RNU2-63P: variants seen among roughly 807,000 people sequenced by gnomAD.
The protein encoded by RNU2-63P is RNA, U2 small nuclear 63, pseudogene.
chr2:88,016,503 A>G (rs770391192), exon 1 of RNU2-63P: 7 of 152,164 alleles, frequency 4.6e-5, no homozygotes, highest in Non-Finnish European at 8.8e-5. Flanking sequence ...AACTGATAAG[A>G]ACACACACTA....
exon 1 of RNU2-63P, chr2:88,016,473 G>C (rs569688829): frequency 2.6e-5 from 4 of 152,066 alleles, no homozygotes; most frequent in East Asian, 3.9e-4. Flanking sequence ...TCATCAAACA[G>C]AAGAACATAC....
At chr2:88,016,366 G>C (rs557898255) in exon 1 of RNU2-63P, 1 of 23,790 alleles carries the variant, frequency 4.2e-5, no homozygotes, top group Non-Finnish European at 1.2e-4. Flanking sequence ...CAGGTGCACC[G>C]TTTCTGGAAG....
exon 1 of RNU2-63P, chr2:88,016,475 A>T (rs964355686): frequency 6.6e-6 from 1 of 152,172 alleles, no homozygotes; most frequent in Non-Finnish European, 1.5e-5. Context: ...ATCAAACAGA[A>T]GAACATACCA....
chr2:88,016,525 T>C (rs936646993), exon 1 of RNU2-63P: 4 of 152,138 alleles, frequency 2.6e-5, no homozygotes, highest in East Asian at 1.9e-4. Context: ...ACTCAATCAT[T>C]AACCAAACAG....
exon 1 of RNU2-63P, chr2:88,016,482 A>G (rs552933463): frequency 3.9e-5 from 6 of 152,148 alleles, no homozygotes; most frequent in African/African-American, 1.4e-4. Context: ...AGAAGAACAT[A>G]CCAGATATTA....
exon 1 of RNU2-63P, chr2:88,016,384 A>C (rs148422869): frequency 0.11 from 2,935 of 27,850 alleles, 39 homozygotes; most frequent in Non-Finnish European, 0.18. Flanking sequence ...AAGTACTGCA[A>C]TACCAAATCG....
exon 1 of RNU2-63P, chr2:88,016,462 T>C (rs1232255977): frequency 2.1e-5 from 3 of 142,630 alleles, no homozygotes; most frequent in Admixed American, 1.4e-4. Flanking sequence ...TAATATAGCG[T>C]TCATCAAACA....
exon 1 of RNU2-63P, chr2:88,016,514 C>A (rs1004225673): frequency 5.3e-5 from 8 of 152,076 alleles, no homozygotes; most frequent in African/African-American, 1.9e-4. Context: ...ACACACACTA[C>A]ACTCAATCAT....
exon 1 of RNU2-63P, chr2:88,016,440 C>G (rs114848587): frequency 9.2e-6 from 1 of 108,774 alleles, no homozygotes; most frequent in Non-Finnish European, 2.1e-5. Flanking sequence ...CTCCCCGTTC[C>G]AAAACTGCGT....
exon 1 of RNU2-63P, chr2:88,016,398 C>G (rs886077354): frequency 1.3e-5 from 2 of 152,064 alleles, no homozygotes; most frequent in Non-Finnish European, 2.9e-5. Flanking sequence ...CAAATCGATG[C>G]GTAGACTAGA....
exon 1 of RNU2-63P, chr2:88,016,514 C>T (rs1004225673): frequency 2.6e-5 from 4 of 151,958 alleles, no homozygotes; most frequent in Admixed American, 6.5e-5. Flanking sequence ...ACACACACTA[C>T]ACTCAATCAT....
At chr2:88,016,369 T>C (rs1222581001) in exon 1 of RNU2-63P, 1 of 23,726 alleles carries the variant, frequency 4.2e-5, no homozygotes, top group African/African-American at 1.0e-4. Context: ...GTGCACCGTT[T>C]CTGGAAGTAC....
At chr2:88,016,497 G>GAT in exon 1 of RNU2-63P, 1 of 152,194 alleles carries the variant, frequency 6.6e-6, no homozygotes, top group East Asian at 1.9e-4. Flanking sequence ...ATATTAAACT[G>GAT]ATAAGAACAC....
At chr2:88,016,450 T>C (rs982946988) in exon 1 of RNU2-63P, 3 of 152,176 alleles carry the variant, frequency 2.0e-5, no homozygotes, top group East Asian at 1.9e-4. Flanking sequence ...CAAAACTGCG[T>C]TTAATATAGC....
exon 1 of RNU2-63P, chr2:88,016,400 T>C (rs1040111146): frequency 2.1e-4 from 17 of 82,498 alleles, no homozygotes; most frequent in African/African-American, 5.0e-4. Context: ...AATCGATGCG[T>C]AGACTAGATA....
At chr2:88,016,516 C>G (rs901321067) in exon 1 of RNU2-63P, 1 of 152,208 alleles carries the variant, frequency 6.6e-6, no homozygotes, top group African/African-American at 2.4e-5. Flanking sequence ...ACACACTACA[C>G]TCAATCATTA....
chr2:88,016,464 C>CA (rs1672695654), exon 1 of RNU2-63P: 1 of 152,148 alleles, frequency 6.6e-6, no homozygotes, highest in Non-Finnish European at 1.5e-5. Flanking sequence ...ATATAGCGTT[C>CA]ATCAAACAGA....
exon 1 of RNU2-63P, chr2:88,016,502 G>C (rs545730032): frequency 2.0e-5 from 3 of 152,110 alleles, no homozygotes; most frequent in East Asian, 3.9e-4. Flanking sequence ...AAACTGATAA[G>C]AACACACACT....
chr2:88,016,496 T>C (rs914319223), exon 1 of RNU2-63P: 7 of 152,122 alleles, frequency 4.6e-5, no homozygotes, highest in Admixed American at 1.3e-4. Flanking sequence ...GATATTAAAC[T>C]GATAAGAACA....
Sources: gnomAD v4.1 joint callset for allele counts on GRCh38, gnomAD v4.1.1 for gene constraint, MANE v1.5 for transcripts, NCBI Gene and HGNC (gene_info 2026-07-23, HGNC 2026-07-21) for gene names.